The following CALR variants were observed in gnomAD, a reference collection of about 807,000 sequenced individuals.
CALR encodes CRP55.
A neutral mutation model predicts 51.1 loss-of-function variants in CALR; 15 were observed. That is an observed-to-expected ratio of 0.29 (90% CI 0.20 to 0.45). The LOEUF (loss-of-function observed/expected upper bound fraction) is 0.45. Ranked by LOEUF, CALR falls within the 20% of genes least tolerant of loss-of-function variation. The probability of loss-of-function intolerance (pLI) is 1.00; values close to 1 mark genes in which losing one functional copy is unlikely to be tolerated. For synonymous variants in CALR, 239 were observed against 205.9 expected, an observed-to-expected ratio of 1.16 and a Z score of -1.38; for missense variants, 477 against 530.6, an observed-to-expected ratio of 0.90 and a Z score of 0.99.
intron 7 of CALR, among the ~76,000 whole-genome samples, chr19:12,943,002 C>T (rs548226816): frequency 7.9e-5 from 12 of 151,324 alleles, no homozygotes; most frequent in African/African-American, 2.2e-4. Flanking sequence ...GTGATCCGTT[C>T]GCCATGACCT....
rs1599660105 is a variant in CALR, at chr19:12,940,395, A to G, written c.645A>G (p.Lys215=). The G allele has an allele frequency of 6.2e-7, 1 of 1,614,100 alleles. No homozygotes were observed. Among genetic ancestry groups the G allele is most frequent in the Non-Finnish European group, 8.5e-7 (1 of 1,180,018 alleles). The part of the protein sequence containing the change: ...PKKIKDPDAS[K]PEDWDERAKI... Reference sequence around the variant, plus strand: ...AGATAAAGGATCCTGATGCTTCAAAACCGGAAGACTGGGATGAGCGGGCCA... The same window carrying G: ...AGATAAAGGATCCTGATGCTTCAAAGCCGGAAGACTGGGATGAGCGGGCCA... The change falls in exon 5 of 9, where the codon AAA becomes AAG. Residue 215 remains lysine (K), a synonymous_variant. Coordinates refer to ENST00000316448, the MANE Select transcript of CALR (RefSeq NM_004343.4).
At position 12,944,007 on chromosome 19, in the gene CALR, C is replaced by A. The variant is rs542543565; in HGVS notation, c.*94C>A. Reference sequence around the variant, plus strand: ...TGTCTCTGTGAGACTCGAGAACTTTCATTTTTTTCCAGGCTGGTTCGGATT... The same window carrying A: ...TGTCTCTGTGAGACTCGAGAACTTTAATTTTTTTCCAGGCTGGTTCGGATT... On this transcript the variant is annotated 3_prime_UTR_variant, in exon 9 of 9. Coordinates refer to ENST00000316448, the MANE Select transcript of CALR (RefSeq NM_004343.4). 1.9e-6 allele frequency: 3 copies of A among 1,557,916 alleles called. No individual in the cohort carries two copies. In the South Asian group the frequency reaches 3.5e-5, roughly 18 times the overall value.
At chr19:12,940,973 C>T (rs527790789) in intron 7 of CALR, 86 bp downstream of exon 7, 7 of 1,338,908 alleles carry the variant, frequency 5.2e-6, no homozygotes, top group Non-Finnish European at 7.5e-6. Context: ...GTAGGCACCC[C>T]AGGTGAGTCT....
At chr19:12,943,490 G>C in intron 7 of CALR, 47 bp from the exon 8 acceptor site, 1 of 1,549,708 alleles carries the variant, frequency 6.5e-7, no homozygotes, top group South Asian at 1.1e-5. Context: ...TCCAAAGCAA[G>C]GGCTATCGGG....
At chr19:12,939,341 G>A in intron 2 of CALR, 87 bp from the exon 3 acceptor site, 18 of 1,466,438 alleles carry the variant, frequency 1.2e-5, no homozygotes, top group Non-Finnish European at 1.7e-5. Flanking sequence ...GACAGGTGGA[G>A]GAAGTGGGGG....
intron 1 of CALR, 117 bp from the exon 2 acceptor site, chr19:12,939,017 G>A (rs1971506369): frequency 2.7e-6 from 2 of 738,708 alleles, no homozygotes; most frequent in Admixed American, 2.0e-5. Flanking sequence ...AGGTTGGAAT[G>A]GGGAGTGTCG....
Position 12,940,071 on chromosome 19 carries a change from C to T in CALR, c.416C>T (p.Pro139Leu), listed in dbSNP as rs1482810500. 1.2e-6 allele frequency: 2 copies of T among 1,613,756 alleles called. No homozygotes were observed. The highest frequency in any genetic ancestry group is 2.2e-5 in the East Asian group (1 of 44,900). ...NIMFGPDICG[P>L]GTKKVHVIFN... ...CACCTAGGTCCCGACATCTGTGGCC[C>T]TGGCACCAAGAAGGTTCATGTCATC... The change falls in exon 4 of 9, where the codon CCT (proline) becomes CTT (leucine). Residue 139 changes from proline (P) to leucine (L), a missense_variant. Transcript: ENST00000316448.
At chr19:12,938,991 C>T (rs750975499) in intron 1 of CALR, 143 bp from the exon 2 acceptor site, 3 of 716,744 alleles carry the variant, frequency 4.2e-6, no homozygotes, top group Admixed American at 2.1e-5. Context: ...TGAAGGCACC[C>T]GACGTGTCAA....
rs1971496607 is a variant in CALR, at chr19:12,938,635, G to C, written c.-45G>C. 3 of 1,457,146 alleles carry C rather than the reference G, an allele frequency of 2.1e-6. No homozygotes were observed. The South Asian group carries it at 3.6e-5, about 17-fold the overall frequency. 90.3% of individuals were successfully genotyped at this position (1,457,146 alleles called of 1,614,324 possible). A position where few individuals can be genotyped will look rare whatever the true frequency, so the allele number is the denominator to read the frequency against. Reference sequence around the variant, plus strand: ...TCCGTACTGCAGAGCCGCTGCCGGAGGGTCGTTTTAAAGGGCCCGCGCGTT... The same window carrying C: ...TCCGTACTGCAGAGCCGCTGCCGGACGGTCGTTTTAAAGGGCCCGCGCGTT... On this transcript the variant is annotated 5_prime_UTR_variant, in exon 1 of 9. Transcript: ENST00000316448.
rs1599662588 is a variant in CALR at position 12,943,869 on chromosome 19, G to A, written c.1210G>A (p.Asp404Asn). ...GGAGGATGAGGAGGACAAGGAGGAA[G>A]ATGAGGAGGAAGATGTCCCCGGCCA... ...DEEDEEDKEEDEEEDVPGQAK... is the reference protein window; with the variant it reads ...DEEDEEDKEENEEEDVPGQAK... The change falls in exon 9 of 9, where the codon GAT becomes AAT. Residue 404 changes from aspartate (D) to asparagine (N), a missense_variant. Coordinates refer to ENST00000316448, the MANE Select transcript of CALR (RefSeq NM_004343.4). 1 of 1,587,136 alleles carries A rather than the reference G, an allele frequency of 6.3e-7. No individual in the cohort carries two copies. Among genetic ancestry groups the A allele is most frequent in the Admixed American group, 1.8e-5 (1 of 55,696 alleles).
chr19:12,943,498 G>C, intron 7 of CALR, 39 bp from the exon 8 acceptor site: 5 of 1,574,172 alleles, frequency 3.2e-6, no homozygotes, highest in East Asian at 2.2e-5. Flanking sequence ...AAGGGCTATC[G>C]GGTATCACCT....
In CALR at chr19:12,940,470, G is replaced by A. The variant is rs375468700; in HGVS notation, c.702+18G>A. The A allele has an allele frequency of 6.2e-7, 1 of 1,613,976 alleles. No individual in the cohort carries two copies. The highest frequency in any genetic ancestry group is 8.5e-7 in the Non-Finnish European group (1 of 1,179,892). Reference sequence around the variant, plus strand: ...AGCCTGAGGTTGGTGTTTGGGCAGGGGCTCTGCTCTCCACATTGGAGGGTG... The same window carrying A: ...AGCCTGAGGTTGGTGTTTGGGCAGGAGCTCTGCTCTCCACATTGGAGGGTG... On this transcript the variant is annotated intron_variant, in intron 5 of 8. Transcript: ENST00000316448.
At chr19:12,939,991 G>T in intron 3 of CALR, 62 bp from the exon 4 acceptor site, 2 of 1,155,548 alleles carry the variant, frequency 1.7e-6, no homozygotes, top group South Asian at 1.2e-5. Context: ...TTATAAAGAG[G>T]GGTGAGAGCC....
At position 12,939,473 on chromosome 19, in the gene CALR, G is replaced by A. The variant is rs777068782; in HGVS notation, c.239G>A (p.Ser80Asn). 1 of 1,612,702 alleles carries A rather than the reference G, an allele frequency of 6.2e-7. No individual in the cohort carries two copies. Among genetic ancestry groups the A allele is most frequent in the Non-Finnish European group, 8.5e-7 (1 of 1,180,042 alleles). The change falls in exon 3 of 9, where the codon AGT becomes AAT. Residue 80 changes from serine (S) to asparagine (N), a missense_variant. By Grantham distance (46) the Ser-to-Asn change is conservative. Coordinates refer to ENST00000316448, the MANE Select transcript of CALR (RefSeq NM_004343.4). ...GCACGCTTTTATGCTCTGTCGGCCA[G>A]TTTCGAGCCTTTCAGCAACAAAGGC... ...QDARFYALSA[S>N]FEPFSNKGQT... is the part of the protein sequence containing the mutation.
Position 12,943,970 on chromosome 19 carries a change from C to G in CALR, c.*57C>G. On this transcript the variant is annotated 3_prime_UTR_variant, in exon 9 of 9. Coordinates refer to ENST00000316448, the MANE Select transcript of CALR (RefSeq NM_004343.4). ...TGAGCGCTCCTGCCGCAGAGCTGGC[C>G]GCGCCAAATAATGTCTCTGTGAGAC... 2 of 1,594,428 alleles carry G rather than the reference C, an allele frequency of 1.3e-6. No homozygotes were observed. The highest frequency in any genetic ancestry group is 1.7e-6 in the Non-Finnish European group (2 of 1,171,452).
At chr19:12,943,422 T>C in intron 7 of CALR, 115 bp from the exon 8 acceptor site, 1 of 899,692 alleles carries the variant, frequency 1.1e-6, no homozygotes, top group Non-Finnish European at 1.8e-6. Context: ...TTCCTTGTCT[T>C]CTCTGCAGAT....
chr19:12,939,990 G>A (rs1188934281), intron 3 of CALR, 63 bp from the exon 4 acceptor site: 2 of 1,150,676 alleles, frequency 1.7e-6, no homozygotes, highest in Non-Finnish European at 2.6e-6. Flanking sequence ...TTTATAAAGA[G>A]GGGTGAGAGC....
intron 2 of CALR, 42 bp from the exon 3 acceptor site, chr19:12,939,386 G>C: frequency 6.3e-7 from 1 of 1,594,062 alleles, no homozygotes; most frequent in African/African-American, 1.3e-5. Flanking sequence ...GGGTCCTCGC[G>C]AGTCAAGGCC....
rs370935055 is a variant in CALR at position 12,938,671 on chromosome 19, C to T, written c.-9C>T. 2 of 1,605,012 alleles carry T rather than the reference C, an allele frequency of 1.2e-6. No homozygotes were observed. The highest frequency in any genetic ancestry group is 1.7e-6 in the Non-Finnish European group (2 of 1,176,040). ...AAGGGCCCGCGCGTTGCCGCCCCCT[C>T]GGCCCGCCATGCTGCTATCCGTGCC... is the stretch of plus-strand genomic sequence containing the variant. On this transcript the variant is annotated 5_prime_UTR_variant, in exon 1 of 9. Transcript: ENST00000316448.
Sources: gnomAD v4.1 joint callset for allele counts (sites outside exome capture counted in the v4.1 genomes callset) on GRCh38, gnomAD v4.1.1 for gene constraint, MANE v1.5 for transcripts, NCBI Gene and HGNC (gene_info 2026-07-23, HGNC 2026-07-21) for gene names.